Variants in ZNF536 observed in about 807,000 individuals in gnomAD.
ZNF536 encodes the protein zinc finger protein 536.
In ZNF536, 13 loss-of-function variants were observed where a neutral mutation model predicts 84.5. The ratio of observed to expected loss-of-function variants is 0.15; its 90% CI spans 0.10 to 0.24. The LOEUF is 0.24. Among genes scored for constraint, ZNF536 ranks in the 10% least tolerant of loss-of-function variants. The pLI is 1.00. For missense variants in ZNF536, 1,536 were observed against 1,747.5 expected (o/e 0.88, Z 2.16); for synonymous variants, 811 against 742.5 (o/e 1.09, Z -1.50).
intron 2 of ZNF536, among the ~76,000 whole-genome samples, chr19:30,479,186 G>A (rs1214031390): frequency 6.6e-6 from 1 of 152,150 alleles, no homozygotes; most frequent in Non-Finnish European, 1.5e-5. Context: ...AGCTCAATCG[G>A]TGTTGGGCAC....
At chr19:30,656,509 G>A (rs1252860919) in intron 1 of ZNF536, among the ~76,000 whole-genome samples, 1 of 152,190 alleles carries the variant, frequency 6.6e-6, no homozygotes, top group East Asian at 1.9e-4. Flanking sequence ...GTGCAACGAT[G>A]CTCATGGAAC....
At chr19:30,543,567 G>T (rs1332644720) in intron 3 of ZNF536, among the ~76,000 whole-genome samples, 4 of 152,256 alleles carry the variant, frequency 2.6e-5, no homozygotes, top group Non-Finnish European at 5.9e-5. Flanking sequence ...GGATTTGCTA[G>T]AGTTAGCCCA....
At chr19:30,399,145 A>G (rs2049943251) in intron 1 of ZNF536, among the ~76,000 whole-genome samples, 1 of 151,848 alleles carries the variant, frequency 6.6e-6, no homozygotes, top group African/African-American at 2.4e-5. Flanking sequence ...TGTGGTTTTG[A>G]TTTGCATTTC....
chr19:30,589,242 A>G (rs146879044), intron 1 of ZNF536, among the ~76,000 whole-genome samples: 16 of 152,276 alleles, frequency 1.1e-4, no homozygotes, highest in African/African-American at 2.9e-4. Context: ...CATGGTTTCC[A>G]TGGAAGAAAG....
intron 1 of ZNF536, chr19:30,710,610 C>T (rs1039041322): frequency 1.3e-5 from 2 of 152,158 alleles, no homozygotes; most frequent in African/African-American, 4.8e-5. Flanking sequence ...CCTGATGTAT[C>T]GGCTGCTTTT....
At chr19:30,579,421 G>A (rs1048195186) in intron 1 of ZNF536, among the ~76,000 whole-genome samples, 1 of 152,176 alleles carries the variant, frequency 6.6e-6, no homozygotes, top group African/African-American at 2.4e-5. Context: ...GCTGGAGGAT[G>A]GCTGGTCTAG....
chr19:30,282,972 G>A (rs2145665200), intron 1 of ZNF536, among the ~76,000 whole-genome samples: 1 of 152,306 alleles, frequency 6.6e-6, no homozygotes, highest in South Asian at 2.1e-4. Flanking sequence ...CACTTTTCGA[G>A]CATGCAGTCA....
intron 1 of ZNF536, among the ~76,000 whole-genome samples, chr19:30,585,532 G>A (rs935531075): frequency 6.6e-6 from 1 of 152,216 alleles, no homozygotes; most frequent in Non-Finnish European, 1.5e-5. Flanking sequence ...GATCTTGGGA[G>A]TATTAGCTGG....
intron 2 of ZNF536, among the ~76,000 whole-genome samples, chr19:30,478,446 C>G (rs972768405): frequency 6.6e-6 from 1 of 151,938 alleles, no homozygotes; most frequent in African/African-American, 2.4e-5. Context: ...TCTTAGAAAG[C>G]CTTTCAGATG....
At chr19:30,404,488 A>T (rs1807052) in intron 1 of ZNF536, among the ~76,000 whole-genome samples, 71,134 of 152,078 alleles carry the variant, frequency 0.47, 19,627 homozygotes, top group Non-Finnish European at 0.61. Context: ...TAGGCAAGTT[A>T]TTTAACCTCT....
Position 30,248,224 on chromosome 19 carries a change from C to CTT in ZNF536, c.-190+19565_-190+19566dup, listed in dbSNP as rs58799737. On this transcript the variant is annotated intron_variant, in intron 1 of 5. Coordinates refer to the ZNF536 transcript ENST00000585628. ...TTCTTTCTTTCTTTTTCTTTTCTTT[C>CTT]TTTTTTTTTTTTTTTGCGACAGAGT... 1.2e-3 allele frequency among the ~76,000 whole-genome samples: 151 copies of CTT among 130,986 alleles called. 3 individuals carry two copies. Among genetic ancestry groups the CTT allele is most frequent in the African/African-American group, 2.8e-3 (97 of 34,544 alleles). The allele number at this position is 130,986 out of a possible 152,430, so 85.9% of individuals were successfully genotyped here.
intron 1 of ZNF536, among the ~76,000 whole-genome samples, chr19:30,264,443 G>A (rs1025112189): frequency 4.7e-5 from 7 of 149,698 alleles, no homozygotes; most frequent in African/African-American, 7.4e-5. Flanking sequence ...TCGTGTGCAC[G>A]CATGTGTGTG....
intron 1 of ZNF536, among the ~76,000 whole-genome samples, chr19:30,640,496 C>T (rs1444215534): frequency 6.6e-6 from 1 of 152,190 alleles, no homozygotes; most frequent in Non-Finnish European, 1.5e-5. Context: ...ACACCAAAAT[C>T]TCTGGGGAAG....
Position 30,394,491 on chromosome 19 carries a change from G to A in ZNF536, c.-3+21935G>A, listed in dbSNP as rs560954503. Among the ~76,000 whole-genome samples the A allele has an allele frequency of 2.0e-5, 3 of 152,214 alleles. No individual in the cohort carries two copies. In the East Asian group the frequency reaches 5.8e-4, roughly 29 times the overall value. On this transcript the variant is annotated intron_variant, in intron 1 of 4. Transcript: ENST00000355537. Reference sequence around the variant, plus strand: ...ACAACACACACATACCCAGGTGTAGGACTGGGCCAGGTGCATCTCTTACGT... The same window carrying A: ...ACAACACACACATACCCAGGTGTAGAACTGGGCCAGGTGCATCTCTTACGT...
At chr19:30,361,349 T>TTTTTC (rs910879372) in intron 3 of ZNF536, among the ~76,000 whole-genome samples, 2 of 152,108 alleles carry the variant, frequency 1.3e-5, no homozygotes, top group African/African-American at 4.8e-5. Context: ...TTCTTTTTCT[T>TTTTTC]TTTTCTTTTC....
intron 1 of ZNF536, among the ~76,000 whole-genome samples, chr19:30,615,150 T>C (rs1218880186): frequency 1.3e-5 from 2 of 149,634 alleles, no homozygotes; most frequent in African/African-American, 2.5e-5. Context: ...TTTCACCGTG[T>C]TAGCCAGGAT....
chr19:30,318,593 A>C (rs2046756097), intron 2 of ZNF536, among the ~76,000 whole-genome samples: 1 of 152,254 alleles, frequency 6.6e-6, no homozygotes, highest in Admixed American at 6.5e-5. Context: ...CTCTGTGTGC[A>C]GGCTACAGCA....
chr19:30,529,873 G>A (rs1419977703), intron 2 of ZNF536, among the ~76,000 whole-genome samples: 1 of 152,158 alleles, frequency 6.6e-6, no homozygotes, highest in Non-Finnish European at 1.5e-5. Context: ...ATTATTCGTT[G>A]TACCCATGCA....
At chr19:30,339,238 A>T (rs1054040536) in intron 2 of ZNF536, among the ~76,000 whole-genome samples, 1 of 152,178 alleles carries the variant, frequency 6.6e-6, no homozygotes, top group Non-Finnish European at 1.5e-5. Flanking sequence ...CCTGCCTCGG[A>T]GTCCACAGGG....
Sources: gnomAD v4.1 joint callset for allele counts (sites outside exome capture counted in the v4.1 genomes callset) on GRCh38, gnomAD v4.1.1 for gene constraint, MANE v1.5 for transcripts, NCBI Gene and HGNC (gene_info 2026-07-23, HGNC 2026-07-21) for gene names.